The following CREB5 variants were observed in gnomAD, a reference collection of about 807,000 sequenced individuals.
CREB5 encodes cyclic AMP-responsive element-binding protein 5.
A neutral mutation model predicts 57.1 loss-of-function variants in CREB5; 19 were observed. That is an observed-to-expected ratio of 0.33 (90% CI 0.23 to 0.49). The LOEUF (loss-of-function observed/expected upper bound fraction) is 0.49. Ranked by LOEUF, CREB5 falls within the 20% of genes least tolerant of loss-of-function variation. CREB5 has a pLI of 0.99. For synonymous variants in CREB5, 238 were observed against 238.3 expected (o/e 1.00, Z 0.01); for missense variants, 579 against 671.6 (o/e 0.86, Z 1.52).
chr7:28,653,061 C>T (rs987655244), intron 5 of CREB5, among the ~76,000 whole-genome samples: 10 of 152,130 alleles, frequency 6.6e-5, no homozygotes, highest in African/African-American at 2.4e-4. Context: ...AAGTGAGTAA[C>T]AAGTTGTGTG....
At chr7:28,705,120 T>G (rs1802042012) in intron 5 of CREB5, among the ~76,000 whole-genome samples, 1 of 152,078 alleles carries the variant, frequency 6.6e-6, no homozygotes, top group Non-Finnish European at 1.5e-5. Context: ...ATCCCAGCAC[T>G]TTGGGAGGCC....
At chr7:28,400,988 C>T (rs1787450251) in intron 1 of CREB5, among the ~76,000 whole-genome samples, 1 of 152,146 alleles carries the variant, frequency 6.6e-6, no homozygotes, top group East Asian at 1.9e-4. Flanking sequence ...CATTACTTTC[C>T]ACTTACCATT....
chr7:28,539,262 A>G (rs76791681), intron 4 of CREB5, among the ~76,000 whole-genome samples: 3,406 of 152,304 alleles, frequency 0.022, 135 homozygotes, highest in African/African-American at 0.078. Context: ...AGCTGTTATT[A>G]CTTAGTTGAT....
intron 4 of CREB5, among the ~76,000 whole-genome samples, chr7:28,510,368 C>T (rs567164907): frequency 3.8e-4 from 58 of 152,298 alleles, no homozygotes; most frequent in South Asian, 3.7e-3. Flanking sequence ...TTCTTTTCCT[C>T]TGAGTCTTTA....
At chr7:28,733,500 A>G (rs1803786974) in intron 7 of CREB5, among the ~76,000 whole-genome samples, 1 of 151,942 alleles carries the variant, frequency 6.6e-6, no homozygotes, top group Non-Finnish European at 1.5e-5. Context: ...CTTGCATACA[A>G]TCCCTGTTTG....
At chr7:28,814,822 T>G (rs1213060426) in intron 9 of CREB5, among the ~76,000 whole-genome samples, 48 of 152,190 alleles carry the variant, frequency 3.2e-4, no homozygotes, top group Non-Finnish European at 1.5e-5. Flanking sequence ...TTCTATGGCT[T>G]ATGTGGTTAT....
At chr7:28,622,857 A>AT (rs766537293) in intron 5 of CREB5, among the ~76,000 whole-genome samples, 105 of 152,256 alleles carry the variant, frequency 6.9e-4, no homozygotes, top group Admixed American at 1.6e-3. Context: ...CCCCATCTCT[A>AT]TTTTTGAAAA....
intron 1 of CREB5, among the ~76,000 whole-genome samples, chr7:28,326,831 A>G (rs1234248191): frequency 6.6e-6 from 1 of 152,324 alleles, no homozygotes; most frequent in East Asian, 1.9e-4. Flanking sequence ...AGGTAGACGT[A>G]GGTGGATAAA....
At chr7:28,752,459 G>A (rs1398978893) in intron 7 of CREB5, among the ~76,000 whole-genome samples, 1 of 152,184 alleles carries the variant, frequency 6.6e-6, no homozygotes, top group Non-Finnish European at 1.5e-5. Flanking sequence ...GAGCCATCGT[G>A]CTCAGCCTTC....
chr7:28,580,580 T>TGTGTGC (rs1796084926), intron 5 of CREB5, among the ~76,000 whole-genome samples: 1 of 145,454 alleles, frequency 6.9e-6, no homozygotes, highest in African/African-American at 2.5e-5. Context: ...TGTGTGTGTG[T>TGTGTGC]GTGTGTGTGT....
chr7:28,486,738 T>TA, intron 1 of CREB5, among the ~76,000 whole-genome samples: 2 of 136,208 alleles, frequency 1.5e-5, no homozygotes, highest in South Asian at 4.8e-4. Flanking sequence ...ATGCTATACT[T>TA]ACATTGGCTT....
intron 5 of CREB5, among the ~76,000 whole-genome samples, chr7:28,576,838 G>A (rs1795928035): frequency 6.6e-6 from 1 of 152,210 alleles, no homozygotes; most frequent in Non-Finnish European, 1.5e-5. Flanking sequence ...AGTTCCTGAA[G>A]CTTCCATGTA....
chr7:28,582,589 G>A (rs1371655835), intron 5 of CREB5, among the ~76,000 whole-genome samples: 2 of 152,164 alleles, frequency 1.3e-5, no homozygotes, highest in Non-Finnish European at 2.9e-5. Flanking sequence ...AAGTCTAACT[G>A]TTATATCAGT....
intron 7 of CREB5, among the ~76,000 whole-genome samples, chr7:28,731,536 AG>A (rs1358965955): frequency 6.6e-6 from 1 of 152,222 alleles, no homozygotes; most frequent in African/African-American, 2.4e-5. Context: ...TGAGAAAAAA[AG>A]GCCTGAAGTT....
intron 1 of CREB5, among the ~76,000 whole-genome samples, chr7:28,347,319 T>A (rs1786080314): frequency 6.6e-6 from 1 of 152,208 alleles, no homozygotes; most frequent in Non-Finnish European, 1.5e-5. Context: ...ATTAATTTAT[T>A]TTAAGGGAGA....
chr7:28,767,758 C>CCCAAGCTT (rs1413305571), intron 7 of CREB5, among the ~76,000 whole-genome samples: 1 of 152,222 alleles, frequency 6.6e-6, no homozygotes, highest in Non-Finnish European at 1.5e-5. Context: ...ATCCATCCAG[C>CCCAAGCTT]CCAAGCTTCC....
At chr7:28,602,525 G>A (rs1796959933) in intron 5 of CREB5, among the ~76,000 whole-genome samples, 1 of 152,140 alleles carries the variant, frequency 6.6e-6, no homozygotes, top group Non-Finnish European at 1.5e-5. Flanking sequence ...ATATTATTCA[G>A]CAATGAAAAG....
At chr7:28,617,326 G>A (rs758256874) in intron 5 of CREB5, among the ~76,000 whole-genome samples, 14 of 152,158 alleles carry the variant, frequency 9.2e-5, no homozygotes, top group Non-Finnish European at 1.9e-4. Context: ...TTTTACCCGT[G>A]CAACTGATGA....
intron 1 of CREB5, among the ~76,000 whole-genome samples, chr7:28,355,241 A>T (rs1337485780): frequency 6.6e-6 from 1 of 152,178 alleles, no homozygotes; most frequent in African/African-American, 2.4e-5. Flanking sequence ...TCCCTTTGGG[A>T]TGAAAGCGTG....
Sources: gnomAD v4.1 joint callset for allele counts (sites outside exome capture counted in the v4.1 genomes callset) on GRCh38, gnomAD v4.1.1 for gene constraint, MANE v1.5 for transcripts, NCBI Gene and HGNC (gene_info 2026-07-23, HGNC 2026-07-21) for gene names.